Variants in NQO1 observed in about 807,000 individuals in gnomAD.
NQO1 encodes the protein NAD(P)H quinone dehydrogenase 1.
A neutral mutation model predicts 32.1 loss-of-function variants in NQO1; 30 were observed. The ratio of observed to expected loss-of-function variants is 0.94; its 90% CI spans 0.70 to 1.27. The LOEUF is 1.27. NQO1 is among the 50% of genes most tolerant of loss of function. The pLI, the probability that NQO1 is intolerant of heterozygous loss-of-function variation, is 0.00. For missense variants in NQO1, 276 were observed against 331.3 expected (o/e 0.83, Z 1.30); for synonymous variants, 109 against 119.7 (o/e 0.91, Z 0.59).
chr16:69,711,004 G>A lies in NQO1; in HGVS notation c.797C>T (p.Thr266Ile), dbSNP rs2038030686. The A allele has an allele frequency of 1.9e-6, 3 of 1,613,758 alleles. No individual in the cohort carries two copies. The highest frequency in any genetic ancestry group is 3.3e-5 in the Admixed American group (2 of 59,916). Residue 266 changes from threonine (T) to isoleucine (I), a missense_variant, in exon 6 of 6, where the codon ACT becomes ATT. Transcript: ENST00000320623. ...VGHHLGKSIP[T>I]DNQIKARK ...TTTTCTAGCTTTGATCTGGTTGTCA[G>A]TTGGGATGGACTTGCCCAAGTGATG...
intron 5 of NQO1, among the ~76,000 whole-genome samples, chr16:69,711,597 G>A (rs2038041449): frequency 1.3e-5 from 2 of 151,878 alleles, no homozygotes; most frequent in African/African-American, 4.8e-5. Flanking sequence ...ACCAAGACCT[G>A]CGTGGGTGCA....
chr16:69,721,107 C>G (rs914069081), intron 1 of NQO1, among the ~76,000 whole-genome samples: 1 of 149,884 alleles, frequency 6.7e-6, no homozygotes, highest in African/African-American at 2.5e-5. Flanking sequence ...AAATTTGGAG[C>G]CGTGTTGCCC....
At chr16:69,724,498 T>A (rs543301994) in intron 1 of NQO1, among the ~76,000 whole-genome samples, 265 of 148,952 alleles carry the variant, frequency 1.8e-3, no homozygotes, top group African/African-American at 6.0e-3. Flanking sequence ...CAGCCAAAAT[T>A]TTTTTTTTTT....
At chr16:69,723,664 T>C (rs2038222993) in intron 1 of NQO1, among the ~76,000 whole-genome samples, 3 of 150,718 alleles carry the variant, frequency 2.0e-5, no homozygotes. Flanking sequence ...TAACCAGGTG[T>C]AGTGGCAGGT....
chr16:69,710,960 T>C lies in NQO1; in HGVS notation c.*16A>G. The C allele has an allele frequency of 6.3e-7, 1 of 1,598,286 alleles. No individual in the cohort carries two copies. On this transcript the variant is annotated 3_prime_UTR_variant, in exon 6 of 6. Coordinates refer to ENST00000320623, the MANE Select transcript of NQO1 (RefSeq NM_000903.3). ...GATTTGATAACATGTTAGAAGGAAA[T>C]CCAGGCTAAGGAATCTCATTTTCTA...
chr16:69,715,622 A>G (rs1197634414), intron 3 of NQO1, among the ~76,000 whole-genome samples: 2 of 151,946 alleles, frequency 1.3e-5, no homozygotes, highest in Non-Finnish European at 2.9e-5. Flanking sequence ...ACCAAAATCA[A>G]CCGGGCGTGG....
intron 1 of NQO1, among the ~76,000 whole-genome samples, chr16:69,718,825 AGG>A (rs2038151608): frequency 6.6e-6 from 1 of 152,118 alleles, no homozygotes; most frequent in South Asian, 2.1e-4. Flanking sequence ...ACCTGAGGTC[AGG>A]AGTTTGAGAC....
Position 69,710,837 on chromosome 16 carries a change from C to T in NQO1, c.*139G>A, listed in dbSNP as rs978328878. ...CAGTTAAAAATGATCCAAAAATGCA[C>T]GAATACAGTCGATTCCCTCTCATTT... On this transcript the variant is annotated 3_prime_UTR_variant, in exon 6 of 6. Coordinates refer to ENST00000320623, the MANE Select transcript of NQO1 (RefSeq NM_000903.3). 2.1e-5 allele frequency: 20 copies of T among 951,144 alleles called. 1 individual carries two copies. Among genetic ancestry groups the T allele is most frequent in the South Asian group, 1.1e-4 (6 of 56,212 alleles). 58.9% of individuals were successfully genotyped at this position (951,144 alleles called of 1,614,324 possible). A position where few individuals can be genotyped will look rare whatever the true frequency, so the allele number is the denominator to read the frequency against.
At position 69,710,848 on chromosome 16, in the gene NQO1, G is replaced by C. The variant is rs552973481; in HGVS notation, c.*128C>G. On this transcript the variant is annotated 3_prime_UTR_variant, in exon 6 of 6. Coordinates refer to ENST00000320623, the MANE Select transcript of NQO1 (RefSeq NM_000903.3). ...GATCCAAAAATGCACGAATACAGTC[G>C]ATTCCCTCTCATTTATTCCTTGTGG... The C allele has an allele frequency of 5.9e-6, 6 of 1,012,672 alleles. No individual in the cohort carries two copies. Among genetic ancestry groups the C allele is most frequent in the Non-Finnish European group, 2.8e-6 (2 of 704,340 alleles). 62.7% of individuals were successfully genotyped at this position (1,012,672 alleles called of 1,614,324 possible). A position where few individuals can be genotyped will look rare whatever the true frequency, so the allele number is the denominator to read the frequency against.
chr16:69,713,658 G>A (rs188822867), intron 4 of NQO1, among the ~76,000 whole-genome samples: 66 of 151,908 alleles, frequency 4.3e-4, no homozygotes, highest in African/African-American at 1.4e-3. Flanking sequence ...GTTTTAGCTC[G>A]ACCCATGACC....
At position 69,718,305 on chromosome 16, in the gene NQO1, G is replaced by A. The variant is rs776152319; in HGVS notation, c.173-52C>T. The A allele has an allele frequency of 3.7e-6, 6 of 1,612,842 alleles. No individual in the cohort carries two copies. The East Asian group carries it at 1.3e-4, about 36-fold the overall frequency. On this transcript the variant is annotated intron_variant, in intron 2 of 5. Transcript: ENST00000320623. Reference sequence around the variant, plus strand: ...GGCCAGAGGGGCCAAAGCTGGGCCAGAGGACCCACAGGCAAGGAGATCCGC... The same window carrying A: ...GGCCAGAGGGGCCAAAGCTGGGCCAAAGGACCCACAGGCAAGGAGATCCGC...
At position 69,711,264 on chromosome 16, in the gene NQO1, GA is replaced by G. The variant is rs1483951512; in HGVS notation, c.536del (p.Phe179SerfsTer7). 6.2e-7 allele frequency: 1 copy of G among 1,608,232 alleles called. No individual in the cohort carries two copies. The highest frequency in any genetic ancestry group is 2.2e-5 in the East Asian group (1 of 44,704). ...LWPIQSGILH[F>X]CGFQVLEPQL... ...GAGGTTCTAAGACTTGGAAGCCACA[GA>G]AATGCAGAATGCCACTCTGAGGATA... On this transcript the variant is annotated frameshift_variant, in exon 6 of 6. Transcript: ENST00000320623. LOFTEE classifies it high-confidence loss of function.
At chr16:69,724,734 CT>C (rs895047404) in intron 1 of NQO1, among the ~76,000 whole-genome samples, 9 of 152,114 alleles carry the variant, frequency 5.9e-5, no homozygotes, top group African/African-American at 1.9e-4. Context: ...AAAGATAAGC[CT>C]TTGTATCAGT....
chr16:69,718,502 C>T lies in NQO1; in HGVS notation c.40G>A (p.Glu14Lys), dbSNP rs985628105. 1.2e-6 allele frequency: 2 copies of T among 1,614,102 alleles called. No homozygotes were observed. Among genetic ancestry groups the T allele is most frequent in the Non-Finnish European group, 1.7e-6 (2 of 1,180,032 alleles). ...RRALIVLAHS[E>K]RTSFNYAMKE... ...ATGGCATAGTTGAAGGACGTCCTCT[C>T]TGAGTGAGCCAGTACGATCAGTGCT... Residue 14 changes from glutamate to lysine, a missense_variant, in exon 2 of 6, where the codon GAG becomes AAG. Glu to Lys is a moderately conservative substitution (Grantham distance 56). Transcript: ENST00000320623.
intron 3 of NQO1, 47 bp from the exon 4 acceptor site, chr16:69,715,124 G>T: frequency 6.8e-7 from 1 of 1,479,054 alleles, no homozygotes; most frequent in Non-Finnish European, 9.4e-7. Context: ...GGCTCCCCAA[G>T]CCCAGAAGGT....
At position 69,718,353 on chromosome 16, in the gene NQO1, G is replaced by A. The variant is rs1360356562; in HGVS notation, c.172+17C>T. 1 of 1,613,888 alleles carries A rather than the reference G, an allele frequency of 6.2e-7. No homozygotes were observed. Among genetic ancestry groups the A allele is most frequent in the African/African-American group, 1.3e-5 (1 of 74,930 alleles). On this transcript the variant is annotated intron_variant, in intron 2 of 5. Transcript: ENST00000320623. The stretch of plus-strand genomic sequence containing the variant: ...CGCAAAGAACTAATTAAAGAGGGGA[G>A]GAGGAACTCCTCCTACCTGTGATGT...
chr16:69,716,183 A>C (rs868608515), intron 3 of NQO1, among the ~76,000 whole-genome samples: 7 of 117,918 alleles, frequency 5.9e-5, no homozygotes, highest in East Asian at 2.4e-4. Flanking sequence ...TAATAATAAT[A>C]ATAATAATAA....
chr16:69,715,693 G>C (rs972617006), intron 3 of NQO1, among the ~76,000 whole-genome samples: 3 of 152,160 alleles, frequency 2.0e-5, no homozygotes, highest in Non-Finnish European at 4.4e-5. Context: ...ACTTGAACCC[G>C]GGAGGTGGAG....
intron 1 of NQO1, among the ~76,000 whole-genome samples, chr16:69,719,981 G>A (rs1597602170): frequency 6.6e-6 from 1 of 152,062 alleles, no homozygotes; most frequent in East Asian, 1.9e-4. Context: ...GACCAGGTAC[G>A]GTTGCTCACG....
Sources: gnomAD v4.1 joint callset for allele counts (sites outside exome capture counted in the v4.1 genomes callset) on GRCh38, gnomAD v4.1.1 for gene constraint, MANE v1.5 for transcripts, NCBI Gene and HGNC (gene_info 2026-07-23, HGNC 2026-07-21) for gene names.